ST6GALNAC3: variants seen among roughly 807,000 people sequenced by gnomAD.
ST6GALNAC3 encodes ST6 N-acetylgalactosaminide alpha-2,6-sialyltransferase 3, also known as alpha-N-acetylgalactosaminide alpha-2,6-sialyltransferase 3.
Under a neutral mutation model 32.7 loss-of-function variants are expected in ST6GALNAC3, and 25 were observed. The observed-to-expected ratio is 0.76, with a 90% confidence interval of 0.56 to 1.07. ST6GALNAC3 has a LOEUF of 1.07. Ranked by LOEUF, ST6GALNAC3 falls within the 50% of genes least tolerant of loss-of-function variation. ST6GALNAC3 has a pLI of 0.00. For synonymous variants in ST6GALNAC3, 129 were observed against 133.1 expected, an observed-to-expected ratio of 0.97 and a Z score of 0.21; for missense variants, 355 against 382.4, an observed-to-expected ratio of 0.93 and a Z score of 0.60.
intron 2 of ST6GALNAC3, among the ~76,000 whole-genome samples, chr1:76,379,932 G>C (rs186631731): frequency 6.6e-6 from 1 of 152,294 alleles, no homozygotes; most frequent in East Asian, 1.9e-4. Context: ...GAAGAGGAAG[G>C]GGGAGGATAT....
chr1:76,441,007 G>T (rs1656542040), intron 3 of ST6GALNAC3, among the ~76,000 whole-genome samples: 1 of 146,972 alleles, frequency 6.8e-6, no homozygotes, highest in South Asian at 2.2e-4. Context: ...AGAATCACTT[G>T]AACTTGGGAG....
chr1:76,608,265 C>A (rs990130563), intron 3 of ST6GALNAC3, among the ~76,000 whole-genome samples: 5 of 152,074 alleles, frequency 3.3e-5, no homozygotes, highest in Non-Finnish European at 7.4e-5. Flanking sequence ...ATAGAGGAGA[C>A]TAAATGGTAT....
At chr1:76,135,318 T>C (rs1649873636) in intron 1 of ST6GALNAC3, among the ~76,000 whole-genome samples, 1 of 152,248 alleles carries the variant, frequency 6.6e-6, no homozygotes, top group Non-Finnish European at 1.5e-5. Flanking sequence ...TGTTAATCTA[T>C]ATTTTTTTAA....
chr1:76,409,693 A>G (rs1001310101), intron 2 of ST6GALNAC3, among the ~76,000 whole-genome samples: 4 of 152,146 alleles, frequency 2.6e-5, no homozygotes, highest in Admixed American at 2.0e-4. Flanking sequence ...CTCATTAAGT[A>G]AGAAACCAAG....
intron 1 of ST6GALNAC3, among the ~76,000 whole-genome samples, chr1:76,092,931 A>C (rs2100753390): frequency 6.6e-6 from 1 of 152,244 alleles, no homozygotes; most frequent in African/African-American, 2.4e-5. Context: ...CCATGTTCTT[A>C]AGCACTGTCC....
At chr1:76,173,379 A>C (rs1428632928) in intron 1 of ST6GALNAC3, among the ~76,000 whole-genome samples, 1 of 152,186 alleles carries the variant, frequency 6.6e-6, no homozygotes, top group Non-Finnish European at 1.5e-5. Flanking sequence ...AACCATAAAA[A>C]CCCTAGAAGA....
intron 3 of ST6GALNAC3, among the ~76,000 whole-genome samples, chr1:76,454,995 G>T: frequency 6.6e-6 from 1 of 151,502 alleles, no homozygotes. Flanking sequence ...TTATTCTCTA[G>T]ATTTCATTTT....
chr1:76,280,680 G>T (rs1570677075), intron 1 of ST6GALNAC3, among the ~76,000 whole-genome samples: 1 of 152,172 alleles, frequency 6.6e-6, no homozygotes, highest in East Asian at 1.9e-4. Flanking sequence ...ATTAAATAAT[G>T]TTATGTGCAT....
intron 1 of ST6GALNAC3, among the ~76,000 whole-genome samples, chr1:76,134,984 A>C (rs891205828): frequency 2.0e-5 from 3 of 152,076 alleles, no homozygotes; most frequent in Admixed American, 6.5e-5. Context: ...CTCTACTAAA[A>C]ATACAAAATT....
chr1:76,111,849 G>A (rs904438219), intron 1 of ST6GALNAC3, among the ~76,000 whole-genome samples: 4 of 151,940 alleles, frequency 2.6e-5, no homozygotes, highest in Admixed American at 2.6e-4. Context: ...TTTCTACACA[G>A]ACACGGCAAC....
At chr1:76,490,786 A>G (rs938552552) in intron 3 of ST6GALNAC3, among the ~76,000 whole-genome samples, 1 of 151,206 alleles carries the variant, frequency 6.6e-6, no homozygotes, top group African/African-American at 2.4e-5. Context: ...AGTTACACCT[A>G]CTCCCCGTCT....
At chr1:76,431,853 A>G (rs1417971433) in intron 3 of ST6GALNAC3, among the ~76,000 whole-genome samples, 1 of 152,104 alleles carries the variant, frequency 6.6e-6, no homozygotes, top group East Asian at 1.9e-4. Flanking sequence ...CAGAGTCCAC[A>G]GCTTACATTA....
chr1:76,169,901 T>G (rs1339904127), intron 1 of ST6GALNAC3, among the ~76,000 whole-genome samples: 1 of 152,156 alleles, frequency 6.6e-6, no homozygotes, highest in African/African-American at 2.4e-5. Flanking sequence ...ATGCAGTCAT[T>G]TGGAGGAATG....
chr1:76,436,627 T>A (rs764480954), intron 3 of ST6GALNAC3, among the ~76,000 whole-genome samples: 2 of 152,190 alleles, frequency 1.3e-5, no homozygotes, highest in Admixed American at 6.5e-5. Context: ...ATTTAATGAA[T>A]CCTTAGTTTT....
chr1:76,129,919 C>T (rs1417572802), intron 1 of ST6GALNAC3, among the ~76,000 whole-genome samples: 3 of 152,138 alleles, frequency 2.0e-5, no homozygotes, highest in African/African-American at 7.2e-5. Context: ...TCTCGTCATA[C>T]TGTTTGGGCT....
At chr1:76,294,363 A>G (rs1461797238) in intron 1 of ST6GALNAC3, among the ~76,000 whole-genome samples, 1 of 150,916 alleles carries the variant, frequency 6.6e-6, no homozygotes, top group Non-Finnish European at 1.5e-5. Flanking sequence ...TTTTTTATTA[A>G]AAAAAAAACC....
chr1:76,415,325 A>G (rs1461999795), intron 3 of ST6GALNAC3, among the ~76,000 whole-genome samples: 1 of 151,498 alleles, frequency 6.6e-6, no homozygotes. Context: ...GTGCTATTTC[A>G]TCTTATCCTT....
At chr1:76,376,373 T>C (rs1651230297) in intron 2 of ST6GALNAC3, among the ~76,000 whole-genome samples, 1 of 152,184 alleles carries the variant, frequency 6.6e-6, no homozygotes, top group Non-Finnish European at 1.5e-5. Context: ...CATGTGTAAG[T>C]TAGTGTAACC....
rs1431846349 is a variant in ST6GALNAC3, at chr1:76,492,664, G to A, written c.623+80247G>A. Among the ~76,000 whole-genome samples the A allele has an allele frequency of 5.9e-5, 9 of 152,234 alleles. No individual in the cohort carries two copies. In the East Asian group the frequency reaches 1.2e-3, roughly 20 times the overall value. On this transcript the variant is annotated intron_variant, in intron 3 of 4. Coordinates refer to ENST00000328299, the MANE Select transcript of ST6GALNAC3 (RefSeq NM_152996.4). ...ACCTAATTTGAATGTGAAGTAGTCC[G>A]TGGTATAGGACAGCATACGTACAAG...
Sources: gnomAD v4.1 joint callset for allele counts (sites outside exome capture counted in the v4.1 genomes callset) on GRCh38, gnomAD v4.1.1 for gene constraint, MANE v1.5 for transcripts, NCBI Gene and HGNC (gene_info 2026-07-23, HGNC 2026-07-21) for gene names.